The following DDX4 variants were observed in gnomAD, a reference collection of about 807,000 sequenced individuals.
DDX4 encodes the protein DEAD-box helicase 4, also known as probable ATP-dependent RNA helicase DDX4.
DDX4 carries 25 observed loss-of-function variants against 100.0 expected under a neutral mutation model. The observed-to-expected ratio is 0.25, with a 90% CI of 0.18 to 0.35. The LOEUF is 0.35. Ranked by LOEUF, DDX4 falls within the 10% of genes least tolerant of loss-of-function variation. DDX4 has a pLI of 1.00. For missense variants in DDX4, 635 were observed against 882.4 expected, an observed-to-expected ratio of 0.72 and a Z score of 3.55; for synonymous variants, 259 against 275.7, an observed-to-expected ratio of 0.94 and a Z score of 0.60.
chr5:55,789,900 C>A (rs1742456862), intron 15 of DDX4, among the ~76,000 whole-genome samples: 1 of 152,106 alleles, frequency 6.6e-6, no homozygotes, highest in African/African-American at 2.4e-5. Context: ...TGATTTTATT[C>A]TTTTCCATGC....
intron 6 of DDX4, among the ~76,000 whole-genome samples, chr5:55,765,411 AAAATATATATAT>A (rs1157962723): frequency 1.0e-5 from 1 of 100,268 alleles, no homozygotes; most frequent in African/African-American, 4.5e-5. Flanking sequence ...AAAAAAAAAA[AAAATATATATAT>A]ATATATATAT....
At chr5:55,770,382 A>G (rs766913660) in intron 7 of DDX4, among the ~76,000 whole-genome samples, 27 of 152,132 alleles carry the variant, frequency 1.8e-4, no homozygotes, top group Admixed American at 6.5e-5. Context: ...GTCTAGCTGT[A>G]TTTCACCATA....
chr5:55,812,756 A>G (rs922732114), intron 18 of DDX4, among the ~76,000 whole-genome samples: 7 of 152,164 alleles, frequency 4.6e-5, no homozygotes, highest in African/African-American at 9.7e-5. Context: ...GTCTTAAAGT[A>G]TCTAAAGTAA....
At chr5:55,785,559 A>G in intron 12 of DDX4, 65 bp downstream of exon 12, 5 of 1,388,148 alleles carry the variant, frequency 3.6e-6, no homozygotes, top group Middle Eastern at 2.2e-4. Flanking sequence ...TAAGTATTTT[A>G]CTTAAAAACA....
chr5:55,770,578 T>C (rs1330737776), intron 7 of DDX4, among the ~76,000 whole-genome samples: 1 of 152,224 alleles, frequency 6.6e-6, no homozygotes, highest in East Asian at 1.9e-4. Flanking sequence ...TTTTATTGTT[T>C]GGAACTACAT....
chr5:55,785,278 T>G lies in DDX4; in HGVS notation c.626-19T>G, dbSNP rs373873751. The G allele has an allele frequency of 3.5e-5, 55 of 1,550,016 alleles. No homozygotes were observed. Among genetic ancestry groups the G allele is most frequent in the African/African-American group, 5.4e-5 (4 of 73,484 alleles). On this transcript the variant is annotated intron_variant, in intron 10 of 21. Transcript: ENST00000505374. ...GCCTTACATCTTGACCGATTGTCACTTATGAATTTCTTTAATAGGTGGTTA... is the reference window on the plus strand; with the variant it reads ...GCCTTACATCTTGACCGATTGTCACGTATGAATTTCTTTAATAGGTGGTTA...
chr5:55,783,405 C>T (rs1237424943), intron 10 of DDX4, among the ~76,000 whole-genome samples: 2 of 151,922 alleles, frequency 1.3e-5, no homozygotes, highest in Non-Finnish European at 2.9e-5. Flanking sequence ...TGTTACATCT[C>T]ATTAGCTTTT....
intron 2 of DDX4, chr5:55,742,315 C>A (rs117704273): frequency 3.1e-5 from 14 of 446,828 alleles, no homozygotes; most frequent in African/African-American, 1.0e-4. Context: ...GTTAACTGAC[C>A]GTGAATGTAA....
chr5:55,793,023 A>AGTGT (rs10551567), intron 17 of DDX4, among the ~76,000 whole-genome samples: 2,328 of 144,732 alleles, frequency 0.016, 27 homozygotes, highest in Non-Finnish European at 0.021. Context: ...TTATTTAAAA[A>AGTGT]GTGTGTGTGT....
chr5:55,780,905 T>G (rs1741873488), intron 8 of DDX4, among the ~76,000 whole-genome samples, 161 bp from the exon 9 acceptor site: 1 of 152,228 alleles, frequency 6.6e-6, no homozygotes, highest in Non-Finnish European at 1.5e-5. Flanking sequence ...TTTAACTTAG[T>G]TTAATAGAAT....
Position 55,738,946 on chromosome 5 carries a change from A to G in DDX4, c.-14-4A>G, listed in dbSNP as rs1477495811. The stretch of plus-strand genomic sequence containing the variant: ...AATGTGCATTTTTTTTTTTTTATGA[A>G]TAGAACTTGAAGCCACCATGGGAGA... On this transcript the variant is annotated splice_polypyrimidine_tract_variant and splice_region_variant and intron_variant, in intron 1 of 21. Coordinates refer to ENST00000505374, the MANE Select transcript of DDX4 (RefSeq NM_024415.3). 2 of 1,534,402 alleles carry G rather than the reference A, an allele frequency of 1.3e-6. No individual in the cohort carries two copies. The highest frequency in any genetic ancestry group is 9.0e-7 in the Non-Finnish European group (1 of 1,113,148).
At chr5:55,808,764 G>A (rs1004325210) in intron 18 of DDX4, among the ~76,000 whole-genome samples, 1 of 152,250 alleles carries the variant, frequency 6.6e-6, no homozygotes, top group African/African-American at 2.4e-5. Flanking sequence ...TTGGGGGTCA[G>A]GGACCCGCTT....
At chr5:55,759,436 G>A (rs1351974909) in intron 3 of DDX4, among the ~76,000 whole-genome samples, 2 of 151,552 alleles carry the variant, frequency 1.3e-5, no homozygotes, top group Admixed American at 6.6e-5. Context: ...ATATTTAATA[G>A]CTTTTGATTT....
At chr5:55,814,148 C>G (rs1381607799) in intron 19 of DDX4, among the ~76,000 whole-genome samples, 1 of 152,118 alleles carries the variant, frequency 6.6e-6, no homozygotes, top group Non-Finnish European at 1.5e-5. Flanking sequence ...TTTAAAATGT[C>G]ATATTAATAC....
intron 17 of DDX4, among the ~76,000 whole-genome samples, chr5:55,795,714 A>G (rs1742891578): frequency 6.6e-6 from 1 of 152,200 alleles, no homozygotes; most frequent in Non-Finnish European, 1.5e-5. Flanking sequence ...TTGAGGCTGC[A>G]GTGAGCCATG....
intron 18 of DDX4, among the ~76,000 whole-genome samples, chr5:55,805,218 T>C (rs1433168633): frequency 6.6e-6 from 1 of 152,260 alleles, no homozygotes; most frequent in Non-Finnish European, 1.5e-5. Context: ...TTAAGGAGAT[T>C]TTGGGCTGAG....
At chr5:55,768,940 T>C (rs1440844524) in intron 7 of DDX4, among the ~76,000 whole-genome samples, 2 of 152,220 alleles carry the variant, frequency 1.3e-5, no homozygotes, top group Non-Finnish European at 2.9e-5. Context: ...AACGTGCCCA[T>C]GTCCATTGTC....
Position 55,786,686 on chromosome 5 carries a change from C to G in DDX4, c.1017+16C>G, listed in dbSNP as rs756199279. ...TGGGAAGACTGTAAGTCTTTCCCCA[C>G]ATGTCCAAACTGTTAGGTTTTTTGA... On this transcript the variant is annotated intron_variant, in intron 14 of 21. Transcript: ENST00000505374. The G allele has an allele frequency of 1.2e-6, 2 of 1,604,808 alleles. No homozygotes were observed.
At chr5:55,743,891 A>G (rs1425180894) in intron 2 of DDX4, among the ~76,000 whole-genome samples, 1 of 147,438 alleles carries the variant, frequency 6.8e-6, no homozygotes, top group Non-Finnish European at 1.5e-5. Context: ...AGAGTGTTTT[A>G]TAACACTTGT....
Sources: gnomAD v4.1 joint callset for allele counts (sites outside exome capture counted in the v4.1 genomes callset) on GRCh38, gnomAD v4.1.1 for gene constraint, MANE v1.5 for transcripts, NCBI Gene and HGNC (gene_info 2026-07-23, HGNC 2026-07-21) for gene names.